Variants in SHANK2 observed in about 807,000 individuals in gnomAD.
SHANK2 encodes the protein SH3 and multiple ankyrin repeat domains 2.
Under a neutral mutation model 133.7 loss-of-function variants are expected in SHANK2, and 43 were observed. The ratio of observed to expected loss-of-function variants is 0.32; its 90% CI spans 0.25 to 0.41. The LOEUF is 0.41. Ranked by LOEUF, SHANK2 falls within the 10% of genes least tolerant of loss-of-function variation. SHANK2 has a pLI of 1.00. For synonymous variants in SHANK2, 1,017 were observed against 952.8 expected (o/e 1.07, Z -1.24); for missense variants, 1,994 against 2,235.8 (o/e 0.89, Z 2.18).
chr11:70,784,037 T>C (rs1408803758), intron 14 of SHANK2, among the ~76,000 whole-genome samples: 1 of 152,112 alleles, frequency 6.6e-6, no homozygotes, highest in Non-Finnish European at 1.5e-5. Context: ...TGGGAACAAG[T>C]GGCTGCCTGA....
intron 14 of SHANK2, among the ~76,000 whole-genome samples, chr11:70,780,572 A>G (rs1345253478): frequency 9.4e-6 from 1 of 106,448 alleles, no homozygotes; most frequent in Non-Finnish European, 1.8e-5. Flanking sequence ...TTCCCTGGTA[A>G]TGCATTTTTT....
intron 11 of SHANK2, among the ~76,000 whole-genome samples, chr11:70,835,600 C>G (rs1197814694): frequency 6.6e-6 from 1 of 152,162 alleles, no homozygotes; most frequent in Admixed American, 6.5e-5. Flanking sequence ...TGTCCAGTCC[C>G]TGGGAGGAAC....
intron 11 of SHANK2, among the ~76,000 whole-genome samples, chr11:70,856,261 G>C (rs938203695): frequency 2.6e-5 from 4 of 152,078 alleles, no homozygotes; most frequent in Admixed American, 2.6e-4. Flanking sequence ...TGGGTGGATG[G>C]GTGAGTGAAT....
chr11:70,757,280 C>G (rs1946895517), intron 14 of SHANK2, among the ~76,000 whole-genome samples: 1 of 152,228 alleles, frequency 6.6e-6, no homozygotes, highest in Non-Finnish European at 1.5e-5. Flanking sequence ...CTTACACTCT[C>G]TAGCCTCGGT....
chr11:71,227,246 TAA>T (rs1325661514), intron 1 of SHANK2, among the ~76,000 whole-genome samples: 4 of 152,124 alleles, frequency 2.6e-5, no homozygotes, highest in African/African-American at 4.8e-5. Context: ...GCATTAAATG[TAA>T]ATGGTCAAAA....
chr11:71,093,983 ACAG>A (rs1951561792), intron 7 of SHANK2, among the ~76,000 whole-genome samples: 1 of 152,072 alleles, frequency 6.6e-6, no homozygotes, highest in Non-Finnish European at 1.5e-5. Context: ...GAGCAGTAAG[ACAG>A]CAGCAGGGGA....
chr11:71,118,594 G>A (rs1356539918), intron 4 of SHANK2, among the ~76,000 whole-genome samples: 1 of 152,084 alleles, frequency 6.6e-6, no homozygotes, highest in Non-Finnish European at 1.5e-5. Context: ...CTCAATACAT[G>A]GGGATTACAG....
chr11:70,938,106 C>T (rs542208401), intron 10 of SHANK2, among the ~76,000 whole-genome samples: 1 of 152,296 alleles, frequency 6.6e-6, no homozygotes, highest in African/African-American at 2.4e-5. Flanking sequence ...AGTCTCTGCC[C>T]CAATCCCAGT....
intron 10 of SHANK2, among the ~76,000 whole-genome samples, chr11:70,935,163 C>A (rs1037513995): frequency 6.6e-6 from 1 of 152,184 alleles, no homozygotes; most frequent in Non-Finnish European, 1.5e-5. Flanking sequence ...TGAAATCTTG[C>A]CTCCTGTTGC....
At chr11:70,939,281 C>A (rs1950613196) in intron 10 of SHANK2, among the ~76,000 whole-genome samples, 1 of 152,072 alleles carries the variant, frequency 6.6e-6, no homozygotes, top group African/African-American at 2.4e-5. Context: ...TTGAGACCAG[C>A]CTGACCAACA....
At chr11:71,086,274 TTATATTA>T (rs1951413374) in intron 8 of SHANK2, among the ~76,000 whole-genome samples, 1 of 3,394 alleles carries the variant, frequency 2.9e-4, no homozygotes, top group African/African-American at 1.2e-3. Context: ...ATTATATATG[TTATATTA>T]TATATGTTAT....
chr11:71,101,277 A>C (rs1951713091), intron 6 of SHANK2, among the ~76,000 whole-genome samples: 2 of 151,420 alleles, frequency 1.3e-5, no homozygotes, highest in African/African-American at 2.4e-5. Context: ...TACCCTCGCC[A>C]CTCCCTCTGC....
rs535916302 is a variant in SHANK2, at chr11:70,501,233, T to C, written c.2288-643A>G. 5.3e-5 allele frequency among the ~76,000 whole-genome samples: 8 copies of C among 152,212 alleles called. No individual in the cohort carries two copies. The East Asian group carries it at 1.5e-3, about 29-fold the overall frequency. On this transcript the variant is annotated intron_variant, in intron 20 of 25. Transcript: ENST00000601538. ...CTCAGACTCTAGCCCCAGAACCTCG[T>C]GAGAAGCGGCCTGGCCGGCCTCAGC...
chr11:70,488,393 G>T (rs1555154919), intron 24 of SHANK2, among the ~76,000 whole-genome samples: 1 of 152,194 alleles, frequency 6.6e-6, no homozygotes, highest in Admixed American at 6.5e-5. Flanking sequence ...TCTGCCCACG[G>T]TTGGCTCTGT....
rs566282190 is a variant in SHANK2, at chr11:70,484,348, T to C, written c.4979+966A>G. On this transcript the variant is annotated intron_variant, in intron 25 of 25. Transcript: ENST00000601538. ...GTTTAGCACCATCTTCCCTGGCTAC[T>C]GTACATAGTGAGCTCTCATGAGATC... Among the ~76,000 whole-genome samples, 172 of 152,280 alleles carry C rather than the reference T, an allele frequency of 1.1e-3. 1 individual carries two copies. The highest frequency in any genetic ancestry group is 2.0e-3 in the Admixed American group (31 of 15,290).
At chr11:70,618,461 A>G (rs1554996757) in intron 17 of SHANK2, among the ~76,000 whole-genome samples, 1 of 152,166 alleles carries the variant, frequency 6.6e-6, no homozygotes, top group African/African-American at 2.4e-5. Context: ...TGAGGAAGGA[A>G]CGTTCTAGAA....
chr11:70,523,994 G>A (rs1358881994), intron 17 of SHANK2, among the ~76,000 whole-genome samples: 2 of 152,160 alleles, frequency 1.3e-5, no homozygotes, highest in African/African-American at 4.8e-5. Context: ...AGGGGGCCTG[G>A]CCATATTTGC....
intron 14 of SHANK2, among the ~76,000 whole-genome samples, chr11:70,761,298 C>T (rs1186810756): frequency 6.6e-6 from 1 of 152,098 alleles, no homozygotes; most frequent in African/African-American, 2.4e-5. Context: ...GTCTTTTTCT[C>T]CCTTGGCCAC....
intron 11 of SHANK2, among the ~76,000 whole-genome samples, chr11:70,829,585 A>C (rs1948696941): frequency 6.6e-6 from 1 of 152,144 alleles, no homozygotes; most frequent in Non-Finnish European, 1.5e-5. Context: ...CTGAAGACCC[A>C]GGCCTGCTTC....
Sources: allele counts gnomAD v4.1 joint callset (sites outside exome capture counted in the v4.1 genomes callset), GRCh38; gene constraint gnomAD v4.1.1; transcripts MANE v1.5; gene names NCBI Gene and HGNC (gene_info 2026-07-23, HGNC 2026-07-21).